Variants in FN1 observed in about 807,000 individuals in gnomAD.
FN1 encodes the protein fibronectin 1.
FN1 carries 106 observed loss-of-function variants against 297.3 expected under a neutral mutation model. That is an observed-to-expected ratio of 0.36 (90% CI 0.30 to 0.42). FN1 has a LOEUF of 0.42. FN1 is among the 10% of genes least tolerant of loss of function. FN1 has a pLI of 1.00. For synonymous variants in FN1, 1,149 were observed against 1,152.6 expected (o/e 1.00, Z 0.06); for missense variants, 2,690 against 3,124.9 (o/e 0.86, Z 3.32).
rs564908121 is a variant in FN1, at chr2:215,419,797, T to C, written c.1676-412A>G. On this transcript the variant is annotated intron_variant, in intron 11 of 45. Transcript: ENST00000354785. The stretch of plus-strand genomic sequence containing the variant: ...CTTCTTCAAAATTTAAAGAAACTGT[T>C]TGACATTTAAATGAATGAACTAGAC... 1.1e-4 allele frequency among the ~76,000 whole-genome samples: 17 copies of C among 152,308 alleles called. No homozygotes were observed. The South Asian group carries it at 3.3e-3, about 30-fold the overall frequency.
intron 9 of FN1, 137 bp from the exon 10 acceptor site, chr2:215,422,380 T>C (rs1435178386): frequency 4.6e-6 from 4 of 865,344 alleles, no homozygotes; most frequent in Non-Finnish European, 7.8e-6. Context: ...ATCAAAGACA[T>C]CTAAGTGCTG....
In FN1 at chr2:215,409,558, C is replaced by A; in HGVS notation, c.2299+5G>T. On this transcript the variant is annotated splice_donor_5th_base_variant and intron_variant, in intron 15 of 45. Coordinates refer to ENST00000354785, the MANE Select transcript of FN1 (RefSeq NM_212482.4). The stretch of plus-strand genomic sequence containing the variant: ...AACCTGTCTTGAGCGACATATTGAG[C>A]TTACCCAGGTACTGTGGCTCATCTC... The A allele has an allele frequency of 6.2e-7, 1 of 1,612,816 alleles. No homozygotes were observed. Among genetic ancestry groups the A allele is most frequent in the Non-Finnish European group, 8.5e-7 (1 of 1,179,886 alleles).
chr2:215,425,197 G>A lies in FN1; in HGVS notation c.933C>T (p.Asp311=). The part of the protein sequence containing the change: ...QPPPYGHCVT[D]SGVVYSVGMQ... ...TCCCCACAGAGTAGACCACACCACT[G>A]TCTGTGACACAGTGGCCATAGGGAG... is the stretch of plus-strand genomic sequence containing the variant. Residue 311 remains aspartate, a synonymous_variant, in exon 7 of 46, where the codon GAC becomes GAT. Coordinates refer to ENST00000354785, the MANE Select transcript of FN1 (RefSeq NM_212482.4). The A allele has an allele frequency of 6.2e-7, 1 of 1,614,132 alleles. No individual in the cohort carries two copies. Among genetic ancestry groups the A allele is most frequent in the Non-Finnish European group, 8.5e-7 (1 of 1,180,004 alleles).
intron 10 of FN1, among the ~76,000 whole-genome samples, chr2:215,421,454 C>T (rs1229098233): frequency 2.0e-5 from 3 of 152,118 alleles, no homozygotes; most frequent in African/African-American, 7.2e-5. Context: ...AATTATTACT[C>T]CCGGATGGTG....
In FN1 at chr2:215,384,037, G is replaced by A. The variant is rs1442023953; in HGVS notation, c.4877C>T (p.Ser1626Phe). The A allele has an allele frequency of 1.2e-6, 2 of 1,614,002 alleles. No individual in the cohort carries two copies. The highest frequency in any genetic ancestry group is 1.7e-6 in the Non-Finnish European group (2 of 1,180,020). Reference protein sequence around the residue: ...GDSPASSKPISINYRTEIDKP... With the variant: ...GDSPASSKPIFINYRTEIDKP... ...GTTTGTACCTGTTCGGTAATTAATG[G>A]AAATTGGCTTGCTGCTTGCGGGGCT... Residue 1626 changes from serine (S) to phenylalanine (F), a missense_variant, in exon 30 of 46, where the codon TCC becomes TTC. Coordinates refer to ENST00000354785, the MANE Select transcript of FN1 (RefSeq NM_212482.4).
chr2:215,415,466 T>G (rs1187556333), intron 12 of FN1, among the ~76,000 whole-genome samples: 1 of 152,132 alleles, frequency 6.6e-6, no homozygotes, highest in Non-Finnish European at 1.5e-5. Flanking sequence ...TAAATGGGGG[T>G]AGAATCTTAG....
intron 25 of FN1, 196 bp from the exon 26 acceptor site, chr2:215,392,010 GC>G: frequency 1.7e-6 from 1 of 581,770 alleles, no homozygotes; most frequent in Non-Finnish European, 3.0e-6. Context: ...GTACTGTTAG[GC>G]CCCCTTTAAC....
intron 1 of FN1, 79 bp downstream of exon 1, chr2:215,435,576 A>T: frequency 6.3e-7 from 1 of 1,593,912 alleles, no homozygotes; most frequent in Non-Finnish European, 8.5e-7. Context: ...GCGCGCGCAC[A>T]AAACTTCAGC....
At chr2:215,420,922 A>G (rs1283285666) in intron 10 of FN1, 121 bp from the exon 11 acceptor site, 19 of 949,118 alleles carry the variant, frequency 2.0e-5, no homozygotes, top group Non-Finnish European at 3.2e-5. Context: ...TTCCACTAAA[A>G]TAACTTTTCT....
chr2:215,432,044 T>TAC (rs1007759454), intron 3 of FN1, 80 bp from the exon 4 acceptor site: 4 of 1,577,502 alleles, frequency 2.5e-6, no homozygotes, highest in Non-Finnish European at 3.5e-6. Flanking sequence ...CCATGGTAGG[T>TAC]ACTTAGGTTG....
At chr2:215,413,315 C>T (rs1238199253) in intron 13 of FN1, among the ~76,000 whole-genome samples, 6 of 152,116 alleles carry the variant, frequency 3.9e-5, no homozygotes, top group African/African-American at 9.7e-5. Context: ...GACGGGGTTT[C>T]GCCATGTTGG....
At position 215,433,313 on chromosome 2, in the gene FN1, C is replaced by T. The variant is rs770734335; in HGVS notation, c.415+11G>A. On this transcript the variant is annotated intron_variant, in intron 3 of 45. Coordinates refer to ENST00000354785, the MANE Select transcript of FN1 (RefSeq NM_212482.4). Reference sequence around the variant, plus strand: ...ATATTTTGGCATCATTTTACACAATCTCTTCCTTACTTGCGATGGTACAGC... The same window carrying T: ...ATATTTTGGCATCATTTTACACAATTTCTTCCTTACTTGCGATGGTACAGC... 1.2e-5 allele frequency: 20 copies of T among 1,614,122 alleles called. No individual in the cohort carries two copies. The highest frequency in any genetic ancestry group is 1.6e-5 in the Non-Finnish European group (19 of 1,179,958).
chr2:215,424,100 A>G (rs770021325), intron 8 of FN1, 46 bp downstream of exon 8: 5 of 1,567,608 alleles, frequency 3.2e-6, no homozygotes, highest in Non-Finnish European at 1.8e-6. Context: ...CTAGGGCATG[A>G]AAGTGAGTTT....
Position 215,375,377 on chromosome 2 carries a change from G to A in FN1, c.5994C>T (p.Ser1998=), listed in dbSNP as rs1421421171. Residue 1998 remains serine (S), a synonymous_variant, in exon 38 of 46, where the codon TCC becomes TCT. Coordinates refer to ENST00000354785, the MANE Select transcript of FN1 (RefSeq NM_212482.4). The part of the protein sequence containing the change: ...IDASTAIDAP[S]NLRFLATTPN... ...GTGTGGTGGCCAGGAAACGCAGGTT[G>A]GATGGTGCATCAATGGCTGAAAGAA... 6.2e-7 allele frequency: 1 copy of A among 1,612,454 alleles called. No individual in the cohort carries two copies. The highest frequency in any genetic ancestry group is 1.1e-5 in the South Asian group (1 of 90,968).
At chr2:215,397,650 C>G in intron 22 of FN1, 30 bp downstream of exon 22, 1 of 1,606,864 alleles carries the variant, frequency 6.2e-7, no homozygotes. Flanking sequence ...GTTTTAAAAA[C>G]TAATAGAAAA....
chr2:215,412,191 CT>C (rs11315848), intron 13 of FN1, among the ~76,000 whole-genome samples: 97,679 of 144,502 alleles, frequency 0.68, 34,173 homozygotes, highest in East Asian at 1. Flanking sequence ...AATGACTTTT[CT>C]TTTTTTTTTT....
intron 35 of FN1, among the ~76,000 whole-genome samples, chr2:215,377,662 C>T (rs932850156): frequency 5.3e-5 from 8 of 152,138 alleles, no homozygotes; most frequent in African/African-American, 9.7e-5. Context: ...ACCCAGTCTC[C>T]GGTATTTCTT....
chr2:215,406,252 G>A lies in FN1; in HGVS notation c.2972C>T (p.Ala991Val), dbSNP rs772735761. The A allele has an allele frequency of 6.2e-7, 1 of 1,614,108 alleles. No homozygotes were observed. The highest frequency in any genetic ancestry group is 8.5e-7 in the Non-Finnish European group (1 of 1,179,970). ...SHGRESKPLTAQQTTKLDAPT... is the reference protein window; with the variant it reads ...SHGRESKPLTVQQTTKLDAPT... ...AGAAGACATACTGGTTGTCTGTTGA[G>A]CAGTCAGAGGCTTGCTCTCCCTCCC... Residue 991 changes from alanine to valine, a missense_variant, in exon 19 of 46, where the codon GCT becomes GTT. Around this residue, in one of 3 missense-constraint regions of FN1, gnomAD observed 1,743 missense variants for 1,945.2 expected, o/e 0.90. Transcript: ENST00000354785.
intron 13 of FN1, among the ~76,000 whole-genome samples, chr2:215,410,971 G>A (rs1354364770): frequency 6.6e-6 from 1 of 152,104 alleles, no homozygotes; most frequent in Non-Finnish European, 1.5e-5. Flanking sequence ...AACTCAGTGG[G>A]ATACAATTCA....
Sources: gnomAD v4.1 joint callset for allele counts (sites outside exome capture counted in the v4.1 genomes callset) on GRCh38, gnomAD v4.1.1 for gene constraint, gnomAD v4.1.1 regional missense constraint, MANE v1.5 for transcripts, NCBI Gene and HGNC (gene_info 2026-07-23, HGNC 2026-07-21) for gene names.